Variants in SPOCK3 observed in about 807,000 individuals in gnomAD.
SPOCK3 encodes the protein testican-3.
Under a neutral mutation model 56.6 loss-of-function variants are expected in SPOCK3, and 30 were observed. The ratio of observed to expected loss-of-function variants is 0.53; its 90% CI spans 0.40 to 0.72. The LOEUF (loss-of-function observed/expected upper bound fraction) is 0.72. Ranked by LOEUF, SPOCK3 falls within the 30% of genes least tolerant of loss-of-function variation. SPOCK3 has a pLI of 0.00. For synonymous variants in SPOCK3, 196 were observed against 183.3 expected, an observed-to-expected ratio of 1.07 and a Z score of -0.56; for missense variants, 527 against 530.0, an observed-to-expected ratio of 0.99 and a Z score of 0.06.
chr4:166,816,565 A>T (rs1259211036), intron 6 of SPOCK3, among the ~76,000 whole-genome samples: 1 of 152,034 alleles, frequency 6.6e-6, no homozygotes, highest in African/African-American at 2.4e-5. Flanking sequence ...TTCAAGGACA[A>T]GCTTCCTCTG....
intron 4 of SPOCK3, among the ~76,000 whole-genome samples, chr4:166,947,940 T>G (rs1218220133): frequency 6.6e-6 from 1 of 152,212 alleles, no homozygotes; most frequent in African/African-American, 2.4e-5. Context: ...GTCAGCCTAC[T>G]GGGTATTACA....
At chr4:166,742,239 AT>A (rs1322560732) in intron 8 of SPOCK3, among the ~76,000 whole-genome samples, 180 bp from the exon 9 acceptor site, 3 of 65,378 alleles carry the variant, frequency 4.6e-5, no homozygotes, top group African/African-American at 3.0e-4. Flanking sequence ...TCTATCATCT[AT>A]CTATCTATCT....
At chr4:166,742,113 G>T in intron 8 of SPOCK3, 54 bp from the exon 9 acceptor site, 1 of 1,295,876 alleles carries the variant, frequency 7.7e-7, no homozygotes. Context: ...CAAAGAAAGT[G>T]TAATTTCTAT....
intron 3 of SPOCK3, among the ~76,000 whole-genome samples, chr4:167,021,515 G>A (rs1309462753): frequency 6.6e-6 from 1 of 151,896 alleles, no homozygotes; most frequent in Non-Finnish European, 1.5e-5. Flanking sequence ...TTCTTATCTG[G>A]GGACTGTGGT....
intron 6 of SPOCK3, among the ~76,000 whole-genome samples, chr4:166,873,968 T>G (rs1296973237): frequency 6.6e-6 from 1 of 152,106 alleles, no homozygotes; most frequent in Admixed American, 6.5e-5. Flanking sequence ...CCCAAGTGTC[T>G]CTCGTGTGTA....
chr4:167,083,778 CT>C (rs1757931590), intron 2 of SPOCK3, among the ~76,000 whole-genome samples: 1 of 152,090 alleles, frequency 6.6e-6, no homozygotes, highest in Admixed American at 6.6e-5. Context: ...TATTAATTTT[CT>C]TTGTTCATAG....
At chr4:167,183,585 TAAAG>T (rs2110779098) in intron 2 of SPOCK3, among the ~76,000 whole-genome samples, 1 of 152,232 alleles carries the variant, frequency 6.6e-6, no homozygotes, top group African/African-American at 2.4e-5. Flanking sequence ...AAAATAGGAA[TAAAG>T]AGAATAAAAG....
intron 2 of SPOCK3, among the ~76,000 whole-genome samples, chr4:167,134,429 G>A (rs860092): frequency 0.11 from 16,966 of 152,032 alleles, 1,117 homozygotes; most frequent in East Asian, 0.19. Flanking sequence ...ATGGCAAGGA[G>A]TACTGATATT....
chr4:166,926,791 C>T (rs2149988069), intron 4 of SPOCK3, among the ~76,000 whole-genome samples: 1 of 152,186 alleles, frequency 6.6e-6, no homozygotes, highest in Non-Finnish European at 1.5e-5. Flanking sequence ...GTAACTAATG[C>T]CCTGTTACCT....
intron 4 of SPOCK3, among the ~76,000 whole-genome samples, chr4:166,989,065 C>T (rs1346379): frequency 0.65 from 98,738 of 151,754 alleles, 33,911 homozygotes; most frequent in East Asian, 0.84. Flanking sequence ...AAGAAACCTA[C>T]GAAAATGATA....
rs1238591976 is a variant in SPOCK3 at position 167,125,485 on chromosome 4, G to A, written c.190-62948C>T. Among the ~76,000 whole-genome samples, 8 of 150,968 alleles carry A rather than the reference G, an allele frequency of 5.3e-5. No individual in the cohort carries two copies. The East Asian group carries it at 1.6e-3, about 30-fold the overall frequency. On this transcript the variant is annotated intron_variant, in intron 2 of 10. Transcript: ENST00000357545. ...TCCCAGCACTTTGGGAGGCTGAAGC[G>A]GGCGGATCATGAGGTCAGGAGATTG...
chr4:166,951,379 C>A (rs1449111698), intron 4 of SPOCK3, among the ~76,000 whole-genome samples: 7 of 138,458 alleles, frequency 5.1e-5, no homozygotes, highest in Non-Finnish European at 1.1e-4. Context: ...AAGACTAAAC[C>A]AGGAAGAAGT....
At chr4:167,119,399 G>A (rs1243738076) in intron 2 of SPOCK3, among the ~76,000 whole-genome samples, 1 of 151,924 alleles carries the variant, frequency 6.6e-6, no homozygotes, top group African/African-American at 2.4e-5. Flanking sequence ...AGATGTTTTA[G>A]GATTTGACAT....
chr4:166,824,470 G>A (rs918947715), intron 6 of SPOCK3, among the ~76,000 whole-genome samples: 1 of 151,914 alleles, frequency 6.6e-6, no homozygotes, highest in Non-Finnish European at 1.5e-5. Flanking sequence ...AAGTTAATTT[G>A]CTACTGACAC....
At position 167,113,419 on chromosome 4, in the gene SPOCK3, T is replaced by C. The variant is rs550394565; in HGVS notation, c.190-50882A>G. Among the ~76,000 whole-genome samples the C allele has an allele frequency of 1.1e-3, 160 of 152,046 alleles. 1 individual carries two copies. In the South Asian group the frequency reaches 0.018, roughly 17 times the overall value. ...ACTATCTTTTAGGTTTTGCTCTCAA[T>C]TAAACACAAGTTTGCATAAGTAAAA... On this transcript the variant is annotated intron_variant, in intron 2 of 10. Transcript: ENST00000357545.
intron 6 of SPOCK3, among the ~76,000 whole-genome samples, chr4:166,837,239 G>GT (rs1474539641): frequency 3.9e-5 from 6 of 152,154 alleles, no homozygotes; most frequent in African/African-American, 1.4e-4. Context: ...GTAGTGTGAA[G>GT]TTAGACACAC....
At chr4:166,977,875 T>A (rs1746129345) in intron 4 of SPOCK3, among the ~76,000 whole-genome samples, 1 of 152,152 alleles carries the variant, frequency 6.6e-6, no homozygotes, top group Non-Finnish European at 1.5e-5. Flanking sequence ...TAGATCAATT[T>A]TCTCCCTCTT....
At chr4:167,196,981 C>A (rs1434120067) in intron 2 of SPOCK3, among the ~76,000 whole-genome samples, 1 of 152,070 alleles carries the variant, frequency 6.6e-6, no homozygotes, top group Non-Finnish European at 1.5e-5. Context: ...ATGGGAATGA[C>A]CTTCTATTAC....
chr4:167,059,837 T>C (rs1401793649), intron 3 of SPOCK3, among the ~76,000 whole-genome samples: 1 of 152,096 alleles, frequency 6.6e-6, no homozygotes, highest in Non-Finnish European at 1.5e-5. Flanking sequence ...AAATGATGAG[T>C]TCATGTCCTT....
Sources: allele counts gnomAD v4.1 joint callset (sites outside exome capture counted in the v4.1 genomes callset), GRCh38; gene constraint gnomAD v4.1.1; transcripts MANE v1.5; gene names NCBI Gene and HGNC (gene_info 2026-07-23, HGNC 2026-07-21).